Variants in MAP2K1 observed in about 807,000 individuals in gnomAD.
MAP2K1 encodes mitogen-activated protein kinase kinase 1, also known as dual specificity mitogen-activated protein kinase kinase 1.
Under a neutral mutation model 46.3 loss-of-function variants are expected in MAP2K1, and 16 were observed. The observed-to-expected ratio is 0.35, with a 90% confidence interval of 0.23 to 0.52. The LOEUF (loss-of-function observed/expected upper bound fraction) is 0.52. Ranked by LOEUF, MAP2K1 falls within the 20% of genes least tolerant of loss-of-function variation. The pLI, the probability that MAP2K1 is intolerant of heterozygous loss-of-function variation, is 0.94. For synonymous variants in MAP2K1, 183 were observed against 185.6 expected (o/e 0.99, Z 0.11); for missense variants, 263 against 497.1 (o/e 0.53, Z 4.48).
rs539393306 is a variant in MAP2K1, at chr15:66,465,705, C to A, written c.569-16050C>A. Among the ~76,000 whole-genome samples the A allele has an allele frequency of 2.8e-3, 424 of 151,874 alleles. 1 individual carries two copies. The highest frequency in any genetic ancestry group is 0.017 in the Middle Eastern group (5 of 294). ...TCCATCTCAAAAACAACAACAACAA[C>A]AAAAAAACGGGTGTACTATAGTTTT... On this transcript the variant is annotated intron_variant, in intron 5 of 10. Transcript: ENST00000307102.
intron 1 of MAP2K1, among the ~76,000 whole-genome samples, chr15:66,431,993 G>C (rs1398157451): frequency 1.3e-5 from 2 of 152,104 alleles, no homozygotes; most frequent in East Asian, 3.8e-4. Context: ...ATGACCTCCA[G>C]CTCCACCCAT....
chr15:66,442,205 T>G (rs1057453107), intron 3 of MAP2K1, among the ~76,000 whole-genome samples: 3 of 152,190 alleles, frequency 2.0e-5, no homozygotes, highest in Non-Finnish European at 4.4e-5. Flanking sequence ...ATTCTCATCT[T>G]TAAACACTCA....
intron 1 of MAP2K1, among the ~76,000 whole-genome samples, chr15:66,433,142 G>A (rs2093479124): frequency 6.6e-6 from 1 of 152,070 alleles, no homozygotes; most frequent in Non-Finnish European, 1.5e-5. Context: ...TCCTTTGTGG[G>A]GAGACCTTGG....
intron 1 of MAP2K1, among the ~76,000 whole-genome samples, chr15:66,400,290 C>G (rs914104237): frequency 1.3e-5 from 2 of 152,194 alleles, no homozygotes; most frequent in African/African-American, 4.8e-5. Flanking sequence ...TCCCAAAGTG[C>G]TGGGATTACA....
chr15:66,484,293 A>G (rs1892985103), intron 6 of MAP2K1, among the ~76,000 whole-genome samples: 1 of 151,812 alleles, frequency 6.6e-6, no homozygotes, highest in African/African-American at 2.4e-5. Context: ...GATTACAGGC[A>G]TGCACCACCA....
rs529395040 is a variant in MAP2K1 at position 66,425,560 on chromosome 15, C to T, written c.81-9467C>T. ...AGTGACATATGCAGGAAATCAGCTGCTTCTGGGCCAGGACAGAGCTGGTCT... is the reference window on the plus strand; with the variant it reads ...AGTGACATATGCAGGAAATCAGCTGTTTCTGGGCCAGGACAGAGCTGGTCT... On this transcript the variant is annotated intron_variant, in intron 1 of 10. Coordinates refer to ENST00000307102, the MANE Select transcript of MAP2K1 (RefSeq NM_002755.4). 2.0e-5 allele frequency among the ~76,000 whole-genome samples: 3 copies of T among 152,292 alleles called. No individual in the cohort carries two copies. The East Asian group carries it at 5.8e-4, about 29-fold the overall frequency.
chr15:66,451,433 C>T (rs1892010930), intron 5 of MAP2K1, among the ~76,000 whole-genome samples: 1 of 2,160 alleles, frequency 4.6e-4, no homozygotes, highest in Non-Finnish European at 0.062. Flanking sequence ...TGAACTCAAA[C>T]AAATTTACAA....
Position 66,467,221 on chromosome 15 carries a change from C to T in MAP2K1, c.569-14534C>T, listed in dbSNP as rs139139375. On this transcript the variant is annotated intron_variant, in intron 5 of 10. Coordinates refer to ENST00000307102, the MANE Select transcript of MAP2K1 (RefSeq NM_002755.4). ...TGCATTCCAGCCTGGTCAACAAGAGCGAAACTCCGTCTCAAAAAGAAAAAA... is the reference window on the plus strand; with the variant it reads ...TGCATTCCAGCCTGGTCAACAAGAGTGAAACTCCGTCTCAAAAAGAAAAAA... 5.7e-4 allele frequency among the ~76,000 whole-genome samples: 86 copies of T among 151,984 alleles called. 1 individual carries two copies. In the East Asian group the frequency reaches 0.016, roughly 28 times the overall value.
intron 1 of MAP2K1, among the ~76,000 whole-genome samples, chr15:66,431,325 CT>C (rs1230006784): frequency 6.6e-6 from 1 of 152,156 alleles, no homozygotes; most frequent in Non-Finnish European, 1.5e-5. Flanking sequence ...TGAACTTCAA[CT>C]CCCTCTGCAA....
intron 1 of MAP2K1, among the ~76,000 whole-genome samples, chr15:66,409,284 C>A (rs1427979132): frequency 6.6e-6 from 1 of 152,132 alleles, no homozygotes; most frequent in Non-Finnish European, 1.5e-5. Flanking sequence ...CAGTCCCATC[C>A]CAGCCCAAAG....
intron 1 of MAP2K1, among the ~76,000 whole-genome samples, chr15:66,432,990 G>GTGTGTGTC (rs2093478705): frequency 1.3e-5 from 2 of 151,466 alleles, no homozygotes; most frequent in African/African-American, 4.9e-5. Context: ...GTGTGTGTGT[G>GTGTGTGTC]TGTGTGTGTG....
At chr15:66,402,602 A>T (rs1014701808) in intron 1 of MAP2K1, among the ~76,000 whole-genome samples, 3 of 152,178 alleles carry the variant, frequency 2.0e-5, no homozygotes, top group Non-Finnish European at 2.9e-5. Context: ...GTTTCTTAAT[A>T]ATTCTCTTGC....
intron 5 of MAP2K1, among the ~76,000 whole-genome samples, chr15:66,476,144 T>A (rs1254058046): frequency 2.0e-5 from 3 of 152,202 alleles, no homozygotes; most frequent in Non-Finnish European, 4.4e-5. Context: ...GAATTGGGGT[T>A]ATTAGATCTC....
intron 5 of MAP2K1, among the ~76,000 whole-genome samples, chr15:66,464,138 T>G (rs1332728910): frequency 6.6e-6 from 1 of 152,220 alleles, no homozygotes; most frequent in East Asian, 1.9e-4. Flanking sequence ...GAAAGCATTT[T>G]AGAAGAAAAT....
intron 5 of MAP2K1, among the ~76,000 whole-genome samples, chr15:66,461,388 A>G (rs1226258764): frequency 6.6e-6 from 1 of 151,844 alleles, no homozygotes; most frequent in Non-Finnish European, 1.5e-5. Flanking sequence ...TAGGCACGAG[A>G]CTTGTTTGAA....
chr15:66,489,889 G>A, intron 10 of MAP2K1, 126 bp downstream of exon 10: 1 of 852,420 alleles, frequency 1.2e-6, no homozygotes, highest in South Asian at 1.3e-5. Context: ...TGAGCCTGGG[G>A]CTGCAGAATA....
At chr15:66,400,838 A>C (rs1368222849) in intron 1 of MAP2K1, among the ~76,000 whole-genome samples, 1 of 152,178 alleles carries the variant, frequency 6.6e-6, no homozygotes, top group Non-Finnish European at 1.5e-5. Flanking sequence ...GAGTCAGGTT[A>C]AGAAGAGGTC....
At chr15:66,387,995 G>C (rs903854499) in intron 1 of MAP2K1, among the ~76,000 whole-genome samples, 2 of 152,130 alleles carry the variant, frequency 1.3e-5, no homozygotes, top group African/African-American at 4.8e-5. Flanking sequence ...GGAGGTTCCT[G>C]GTACTTGGCC....
intron 1 of MAP2K1, among the ~76,000 whole-genome samples, chr15:66,394,446 T>C (rs1037898685): frequency 1.3e-5 from 2 of 151,316 alleles, no homozygotes; most frequent in Non-Finnish European, 2.9e-5. Flanking sequence ...TGTACCATGA[T>C]GATAACCAGG....
Sources: gnomAD v4.1 joint callset for allele counts (sites outside exome capture counted in the v4.1 genomes callset) on GRCh38, gnomAD v4.1.1 for gene constraint, MANE v1.5 for transcripts, NCBI Gene and HGNC (gene_info 2026-07-23, HGNC 2026-07-21) for gene names.